RASSF3: variants seen among roughly 807,000 people sequenced by gnomAD.
RASSF3 encodes the protein Ras association domain family member 3.
A neutral mutation model predicts 19.9 loss-of-function variants in RASSF3; 19 were observed. The observed-to-expected ratio is 0.96, with a 90% confidence interval of 0.67 to 1.40. RASSF3 has a LOEUF of 1.40. RASSF3 is among the 40% of genes most tolerant of loss of function. The pLI is 0.00. For synonymous variants in RASSF3, 110 were observed against 104.2 expected (o/e 1.06, Z -0.34); for missense variants, 306 against 289.8 (o/e 1.06, Z -0.41).
chr12:64,529,562 C>G (rs1868661617), upstream of RASSF3, among the ~76,000 whole-genome samples: 2 of 152,150 alleles, frequency 1.3e-5, no homozygotes, highest in Admixed American at 1.3e-4. Flanking sequence ...GAAGACTTTC[C>G]TGGCAATGGT....
At chr12:64,609,819 G>A (rs1870270787), upstream of RASSF3, among the ~76,000 whole-genome samples, 1 of 152,164 alleles carries the variant, frequency 6.6e-6, no homozygotes, top group Non-Finnish European at 1.5e-5. Flanking sequence ...CACTGAGTGC[G>A]CCTAAGATAA....
intron 1 of RASSF3, among the ~76,000 whole-genome samples, chr12:64,540,979 C>A (rs1438037831): frequency 1.3e-5 from 2 of 151,996 alleles, no homozygotes; most frequent in Non-Finnish European, 2.9e-5. Context: ...TGCCATGTTG[C>A]CCAGGCTGGA....
downstream of RASSF3, among the ~76,000 whole-genome samples, chr12:64,544,851 T>A (rs1021930062): frequency 6.6e-6 from 1 of 152,158 alleles, no homozygotes; most frequent in Non-Finnish European, 1.5e-5. Context: ...AATACATGAG[T>A]TTGCCACTTG....
chr12:64,541,259 T>A (rs1399316579), intron 1 of RASSF3, among the ~76,000 whole-genome samples: 2 of 150,500 alleles, frequency 1.3e-5, no homozygotes. Flanking sequence ...GTGCTGGGAT[T>A]ACAGGCATGA....
intron 1 of RASSF3, among the ~76,000 whole-genome samples, chr12:64,642,891 A>C (rs977207849): frequency 2.1e-5 from 3 of 143,766 alleles, no homozygotes; most frequent in Non-Finnish European, 4.5e-5. Flanking sequence ...CTTGAGATGG[A>C]GTCTCACTCT....
At chr12:64,583,145 A>G (rs1869732382) in intron 2 of RASSF3, among the ~76,000 whole-genome samples, 1 of 152,154 alleles carries the variant, frequency 6.6e-6, no homozygotes, top group South Asian at 2.1e-4. Context: ...GACCCTTCAC[A>G]TGACACAAAG....
At chr12:64,514,188 CTTTTTTTTTTTTT>C (rs138925359) in intron 1 of RASSF3, among the ~76,000 whole-genome samples, 4 of 77,988 alleles carry the variant, frequency 5.1e-5, no homozygotes, top group African/African-American at 2.6e-4. Context: ...CGCTCAGCCT[CTTTTTTTTTTTTT>C]TTTTTTTTTT....
At chr12:64,554,648 A>G (rs554423906) in intron 2 of RASSF3, among the ~76,000 whole-genome samples, 7 of 152,290 alleles carry the variant, frequency 4.6e-5, no homozygotes, top group African/African-American at 1.7e-4. Flanking sequence ...TCAGAGACTG[A>G]GAGTACAGAC....
chr12:64,525,846 C>T (rs1868574010), intron 1 of RASSF3, among the ~76,000 whole-genome samples: 2 of 152,094 alleles, frequency 1.3e-5, no homozygotes, highest in African/African-American at 4.8e-5. Flanking sequence ...TTTGATTCCT[C>T]GCTGCTACTG....
At chr12:64,635,194 T>G (rs769338446) in intron 1 of RASSF3, among the ~76,000 whole-genome samples, 34 of 152,076 alleles carry the variant, frequency 2.2e-4, no homozygotes, top group Non-Finnish European at 4.4e-4. Flanking sequence ...GTTCAAGCAA[T>G]CCATCTGCTT....
At chr12:64,639,106 A>C (rs1871423294) in intron 1 of RASSF3, among the ~76,000 whole-genome samples, 2 of 152,228 alleles carry the variant, frequency 1.3e-5, no homozygotes, top group South Asian at 2.1e-4. Flanking sequence ...TGAAATGGGA[A>C]GCTCTGAGGA....
chr12:64,513,068 T>C (rs1868338023), intron 1 of RASSF3, among the ~76,000 whole-genome samples: 2 of 152,142 alleles, frequency 1.3e-5, no homozygotes, highest in South Asian at 4.2e-4. Context: ...TATTCAAGCA[T>C]AGACAGGGCT....
At chr12:64,660,812 G>T (rs754754775) in intron 1 of RASSF3, among the ~76,000 whole-genome samples, 1 of 152,096 alleles carries the variant, frequency 6.6e-6, no homozygotes, top group South Asian at 2.1e-4. Flanking sequence ...GACTTGTCTC[G>T]TGCTTAGTAG....
chr12:64,658,000 G>A (rs946571869), intron 1 of RASSF3, among the ~76,000 whole-genome samples: 3 of 152,112 alleles, frequency 2.0e-5, no homozygotes, highest in Non-Finnish European at 2.9e-5. Flanking sequence ...TGCAGTGAGC[G>A]TTGATTGTGC....
chr12:64,648,504 A>G (rs1227498529), intron 1 of RASSF3, among the ~76,000 whole-genome samples: 1 of 151,694 alleles, frequency 6.6e-6, no homozygotes. Flanking sequence ...GTGTGGTGTC[A>G]GAATCACTCA....
chr12:64,564,384 C>A (rs1428589499), intron 2 of RASSF3, among the ~76,000 whole-genome samples: 1 of 112,002 alleles, frequency 8.9e-6, no homozygotes, highest in African/African-American at 2.6e-5. Context: ...CATTTCTTTT[C>A]TTTCTTTTTT....
intron 2 of RASSF3, among the ~76,000 whole-genome samples, chr12:64,586,738 C>G (rs1869810595): frequency 6.6e-6 from 1 of 151,840 alleles, no homozygotes; most frequent in Non-Finnish European, 1.5e-5. Flanking sequence ...GCCTGGCCAA[C>G]ATGGTGAAAC....
At chr12:64,663,697 G>C (rs1474460712) in intron 1 of RASSF3, among the ~76,000 whole-genome samples, 1 of 151,826 alleles carries the variant, frequency 6.6e-6, no homozygotes, top group Non-Finnish European at 1.5e-5. Context: ...CTAGAGATGG[G>C]GTTTCACCAT....
intron 2 of RASSF3, among the ~76,000 whole-genome samples, chr12:64,555,350 A>G (rs1035367920): frequency 5.3e-5 from 8 of 152,190 alleles, no homozygotes; most frequent in African/African-American, 1.4e-4. Flanking sequence ...AGTAGTTATG[A>G]CTATGGGTAT....
Sources: gnomAD v4.1 joint callset for allele counts (sites outside exome capture counted in the v4.1 genomes callset) on GRCh38, gnomAD v4.1.1 for gene constraint, MANE v1.5 for transcripts, NCBI Gene and HGNC (gene_info 2026-07-23, HGNC 2026-07-21) for gene names.